PRRC2A: variants seen among roughly 807,000 people sequenced by gnomAD.
PRRC2A encodes protein PRRC2A.
Under a neutral mutation model 224.6 loss-of-function variants are expected in PRRC2A, and 59 were observed. That is an observed-to-expected ratio of 0.26 (90% CI 0.21 to 0.33). The LOEUF is 0.33. Ranked by LOEUF, PRRC2A falls within the 10% of genes least tolerant of loss-of-function variation. PRRC2A has a pLI of 1.00. For missense variants in PRRC2A, 3,095 were observed against 2,880.7 expected (o/e 1.07, Z -1.70); for synonymous variants, 1,194 against 1,109.5 (o/e 1.08, Z -1.51).
Position 31,622,736 on chromosome 6 carries a change from C to T in PRRC2A, c.-54C>T. 7.3e-7 allele frequency: 1 copy of T among 1,372,632 alleles called. No individual in the cohort carries two copies. Among genetic ancestry groups the T allele is most frequent in the South Asian group, 1.2e-5 (1 of 85,648 alleles). The allele number at this position is 1,372,632 out of a possible 1,614,324, so 85.0% of individuals were successfully genotyped here. On this transcript the variant is annotated 5_prime_UTR_variant, in exon 2 of 31. In the 5' UTR this introduces an upstream ATG that the reference lacks. Transcript: ENST00000376033. ...GCTGTCTGGCCCACAGGCTCTGGCA[C>T]GTTTTGGGGGAGGTGCCTGCAGGAC...
In PRRC2A at chr6:31,629,027, T is replaced by A. The variant is rs987079985; in HGVS notation, c.1766-117T>A. ...ATGGGAGGGGCTTCAATAGAATAGA[T>A]GTTGAATAGAATATTTTAGTCTTAA... On this transcript the variant is annotated intron_variant, in intron 12 of 30. Transcript: ENST00000376033. 2.9e-6 allele frequency: 3 copies of A among 1,037,036 alleles called. No homozygotes were observed. In the African/African-American group the frequency reaches 4.8e-5, roughly 16 times the overall value. The allele number at this position is 1,037,036 out of a possible 1,614,324, so 64.2% of individuals were successfully genotyped here. A position where few individuals can be genotyped will look rare whatever the true frequency, so the allele number is the denominator to read the frequency against.
Position 31,630,773 on chromosome 6 carries a change from G to A in PRRC2A, c.2437G>A (p.Ala813Thr), listed in dbSNP as rs1465754118. 2.5e-6 allele frequency: 4 copies of A among 1,614,056 alleles called. No homozygotes were observed. The highest frequency in any genetic ancestry group is 3.4e-6 in the Non-Finnish European group (4 of 1,180,038). ...CCCACTTACCTCACCTCTGCGCCAGGCTGCGGATGAGGATGACAAGGGGAT... is the reference window on the plus strand; with the variant it reads ...CCCACTTACCTCACCTCTGCGCCAGACTGCGGATGAGGATGACAAGGGGAT... ...PRPLTSPLRQ[A>T]ADEDDKGMRS... The change falls in exon 15 of 31, where the codon GCT becomes ACT. Residue 813 changes from alanine to threonine, a missense_variant. Physicochemically the swap from Ala to Thr is moderately conservative, Grantham distance 58 (BLOSUM62 0). Coordinates refer to ENST00000376033, the MANE Select transcript of PRRC2A (RefSeq NM_004638.4).
chr6:31,630,836 A>G (rs781611650), intron 15 of PRRC2A, 35 bp downstream of exon 15: 4 of 1,606,948 alleles, frequency 2.5e-6, no homozygotes, highest in Non-Finnish European at 3.4e-6. Flanking sequence ...GTGAGTTCAC[A>G]GTGAAAGGAT....
intron 15 of PRRC2A, 62 bp downstream of exon 15, chr6:31,630,863 G>A: frequency 6.4e-7 from 1 of 1,565,740 alleles, no homozygotes; most frequent in Non-Finnish European, 8.7e-7. Context: ...CTGGGAGAAA[G>A]GTACTTTGGG....
In PRRC2A at chr6:31,625,796, A is replaced by T; in HGVS notation, c.764A>T (p.Tyr255Phe). The T allele has an allele frequency of 6.4e-7, 1 of 1,574,448 alleles. No individual in the cohort carries two copies. Among genetic ancestry groups the T allele is most frequent in the Non-Finnish European group, 8.7e-7 (1 of 1,144,546 alleles). Reference protein sequence around the residue: ...PYRGMMPPFMYPPYLPFPPPY... With the variant: ...PYRGMMPPFMFPPYLPFPPPY... ...TACTGTTGGACCCTTTTACAGATGT[A>T]TCCCCCATATCTCCCGTTCCCTCCG... Residue 255 changes from tyrosine (Y) to phenylalanine (F), a missense_variant, in exon 8 of 31, where the codon TAT (tyrosine) becomes TTT (phenylalanine). Tyr to Phe is a conservative substitution (Grantham distance 22). Transcript: ENST00000376033. This position sits in a 1 kb window ranked among gnomAD's most constrained non-coding sequence, Gnocchi z 4.1.
At position 31,632,572 on chromosome 6, in the gene PRRC2A, G is replaced by A. The variant is rs551639342; in HGVS notation, c.3899G>A (p.Arg1300His). The A allele has an allele frequency of 1.1e-5, 17 of 1,612,596 alleles. No individual in the cohort carries two copies. The highest frequency in any genetic ancestry group is 6.7e-5 in the African/African-American group (5 of 75,016). ...ACAGTCACAGTGGCCCCAGCACCTC[G>A]CCGGGCAGCTGCCAAGTCTCCTGAT... is the stretch of plus-strand genomic sequence containing the variant. ...LTTVTVAPAP[R>H]RAAAKSPDLS... The change falls in exon 16 of 31, where the codon CGC becomes CAC. Residue 1300 changes from arginine to histidine, a missense_variant. By Grantham distance (29) the Arg-to-His change is conservative (BLOSUM62 0). Coordinates refer to ENST00000376033, the MANE Select transcript of PRRC2A (RefSeq NM_004638.4).
rs780664319 is a variant in PRRC2A, at chr6:31,631,743, C to G, written c.3070C>G (p.Arg1024Gly). Reference protein sequence around the residue: ...SYERVGPTSCRGRGRGEYFAR... With the variant: ...SYERVGPTSCGGRGRGEYFAR... ...TGAAAGAGTGGGTCCTACCTCTTGCCGGGGTCGGGGCCGAGGCGAGTATTT... is the reference window on the plus strand; with the variant it reads ...TGAAAGAGTGGGTCCTACCTCTTGCGGGGGTCGGGGCCGAGGCGAGTATTT... Residue 1024 changes from arginine to glycine, a missense_variant, in exon 16 of 31, where the codon CGG becomes GGG. Physicochemically the swap from Arg to Gly is moderately radical, Grantham distance 125. Coordinates refer to ENST00000376033, the MANE Select transcript of PRRC2A (RefSeq NM_004638.4). The surrounding 1 kb of genome is among the most constrained non-coding windows in gnomAD (Gnocchi z 4.5). 1.3e-6 allele frequency: 2 copies of G among 1,531,492 alleles called. No individual in the cohort carries two copies. The highest frequency in any genetic ancestry group is 1.8e-6 in the Non-Finnish European group (2 of 1,138,786). 94.9% of individuals were successfully genotyped at this position (1,531,492 alleles called of 1,614,324 possible). A position where few individuals can be genotyped will look rare whatever the true frequency, so the allele number is the denominator to read the frequency against.
chr6:31,628,896 A>C, intron 12 of PRRC2A: 1 of 487,672 alleles, frequency 2.1e-6, no homozygotes. Context: ...ACTATTTCCT[A>C]TAGGCCAAGA....
chr6:31,630,488 CAA>C, intron 14 of PRRC2A, 101 bp from the exon 15 acceptor site: 9 of 1,175,826 alleles, frequency 7.7e-6, no homozygotes, highest in African/African-American at 1.5e-5. Context: ...CTACTGGGAA[CAA>C]GAGATGGAAG....
chr6:31,632,871 G>C lies in PRRC2A; in HGVS notation c.4198G>C (p.Gly1400Arg). ...PGMERQNRRP[G>R]PGGKAGSSGS... ...CATGGAACGGCAGAATCGGCGCCCT[G>C]GCCCAGGGGGCAAGGCTGGCAGCAG... The change falls in exon 16 of 31, where the codon GGC (glycine) becomes CGC (arginine). Residue 1400 changes from glycine (G) to arginine (R), a missense_variant. Physicochemically the swap from Gly to Arg is moderately radical, Grantham distance 125. Transcript: ENST00000376033. 1 of 1,613,052 alleles carries C rather than the reference G, an allele frequency of 6.2e-7. No individual in the cohort carries two copies. The highest frequency in any genetic ancestry group is 8.5e-7 in the Non-Finnish European group (1 of 1,179,990).
rs766167972 is a variant in PRRC2A at position 31,636,553 on chromosome 6, C to T, written c.5879C>T (p.Pro1960Leu). The part of the protein sequence containing the change: ...LPSPSDFYST[P>L]LQPGGQSGFL... ...TCCCCTTCGGATTTTTATTCTACTCCTCTGCAGCCTGGTGGCCAAAGTGGC... is the reference window on the plus strand; with the variant it reads ...TCCCCTTCGGATTTTTATTCTACTCTTCTGCAGCCTGGTGGCCAAAGTGGC... Residue 1960 changes from proline to leucine, a missense_variant, in exon 27 of 31, where the codon CCT becomes CTT. By Grantham distance (98) the Pro-to-Leu change is moderately conservative (BLOSUM62 -3). Coordinates refer to ENST00000376033, the MANE Select transcript of PRRC2A (RefSeq NM_004638.4). This position sits in a 1 kb window ranked among gnomAD's most constrained non-coding sequence, Gnocchi z 4.3. 3.7e-6 allele frequency: 6 copies of T among 1,609,028 alleles called. No individual in the cohort carries two copies. The highest frequency in any genetic ancestry group is 2.7e-5 in the African/African-American group (2 of 74,744).
rs116832279 is a variant in PRRC2A, at chr6:31,631,439, A to G, written c.2766A>G (p.Thr922=). 9.9e-6 allele frequency: 16 copies of G among 1,610,146 alleles called. No individual in the cohort carries two copies. The highest frequency in any genetic ancestry group is 8.8e-5 in the South Asian group (8 of 90,798). The part of the protein sequence containing the change: ...GPPPPRRESR[T]ETRWGPRPGS... ...CACCACCACGCAGAGAGAGTCGCAC[A>G]GAGACCCGCTGGGGCCCTCGTCCAG... Residue 922 remains threonine (T), a synonymous_variant, in exon 16 of 31, where the codon ACA becomes ACG. Coordinates refer to ENST00000376033, the MANE Select transcript of PRRC2A (RefSeq NM_004638.4). The surrounding 1 kb of genome is among the most constrained non-coding windows in gnomAD (Gnocchi z 4.5).
chr6:31,632,787 G>A lies in PRRC2A; in HGVS notation c.4114G>A (p.Asp1372Asn), dbSNP rs568745012. 9 of 1,613,158 alleles carry A rather than the reference G, an allele frequency of 5.6e-6. No individual in the cohort carries two copies. The Admixed American group carries it at 1.5e-4, about 27-fold the overall frequency. Reference protein sequence around the residue: ...VPGISAMSRGDLSQRAKDLSK... With the variant: ...VPGISAMSRGNLSQRAKDLSK... The stretch of plus-strand genomic sequence containing the variant: ...AGGTATTTCAGCCATGTCCCGCGGA[G>A]ATCTGAGCCAGAGAGCCAAGGATTT... Residue 1372 changes from aspartate to asparagine, a missense_variant, in exon 16 of 31, where the codon GAT becomes AAT. Physicochemically the swap from Asp to Asn is conservative, Grantham distance 23. Coordinates refer to ENST00000376033, the MANE Select transcript of PRRC2A (RefSeq NM_004638.4).
chr6:31,634,186 C>T (rs1363892616), intron 18 of PRRC2A, 50 bp from the exon 19 acceptor site: 3 of 1,573,000 alleles, frequency 1.9e-6, no homozygotes, highest in Non-Finnish European at 1.7e-6. Flanking sequence ...TCCTATAATT[C>T]CCAATTCCCA....
chr6:31,637,450 C>G lies in PRRC2A; in HGVS notation c.6338C>G (p.Ser2113Cys), dbSNP rs760550028. Reference sequence around the variant, plus strand: ...TAACACATGCCTGTCCCCTAGGCCTCCCCACCAGATGCCCTGCGCTGGATA... The same window carrying G: ...TAACACATGCCTGTCCCCTAGGCCTGCCCACCAGATGCCCTGCGCTGGATA... The part of the protein sequence containing the change: ...TQRVDLYQQA[S>C]PPDALRWIPK... The change falls in exon 31 of 31, where the codon TCC (serine) becomes TGC (cysteine). Residue 2113 changes from serine to cysteine, a missense_variant. Physicochemically the swap from Ser to Cys is moderately radical, Grantham distance 112. Coordinates refer to ENST00000376033, the MANE Select transcript of PRRC2A (RefSeq NM_004638.4). 13 of 1,579,682 alleles carry G rather than the reference C, an allele frequency of 8.2e-6. No individual in the cohort carries two copies. The highest frequency in any genetic ancestry group is 1.1e-5 in the Non-Finnish European group (13 of 1,160,396).
rs776646790 is a variant in PRRC2A, at chr6:31,634,296, C to T, written c.4780C>T (p.Pro1594Ser). The T allele has an allele frequency of 8.7e-6, 14 of 1,611,956 alleles. No individual in the cohort carries two copies. Among genetic ancestry groups the T allele is most frequent in the Admixed American group, 1.7e-5 (1 of 59,624 alleles). ...GGGCTCTAAGCCTGAGGGCCCAGGC[C>T]CTCAGGCAGAGTCCAGAGATACAGG... is the stretch of plus-strand genomic sequence containing the variant. ...FLGSKPEGPG[P>S]QAESRDTGTE... The change falls in exon 19 of 31, where the codon CCT becomes TCT. Residue 1594 changes from proline (P) to serine (S), a missense_variant. By Grantham distance (74) the Pro-to-Ser change is moderately conservative. Around this residue, in one of 8 missense-constraint regions of PRRC2A, gnomAD observed 2,001 missense variants for 1,764.9 expected, o/e 1.13. Transcript: ENST00000376033.
In PRRC2A at chr6:31,632,115, C is replaced by G; in HGVS notation, c.3442C>G (p.Pro1148Ala). 1.9e-6 allele frequency: 3 copies of G among 1,549,762 alleles called. No homozygotes were observed. Among genetic ancestry groups the G allele is most frequent in the Non-Finnish European group, 2.6e-6 (3 of 1,148,020 alleles). The change falls in exon 16 of 31, where the codon CCA (proline) becomes GCA (alanine). Residue 1148 changes from proline to alanine, a missense_variant. Around this residue, in one of 8 missense-constraint regions of PRRC2A, gnomAD observed 2,001 missense variants for 1,764.9 expected, o/e 1.13. Transcript: ENST00000376033. ...CCCACCACCAGGAGCCCCACCTTCA[C>G]CAGCCCCAGCCCGCTTCACTGCCCG... is the stretch of plus-strand genomic sequence containing the variant. Reference protein sequence around the residue: ...APPPPGAPPSPAPARFTARGG... With the variant: ...APPPPGAPPSAAPARFTARGG...
rs755896916 is a variant in PRRC2A, at chr6:31,636,377, G to A, written c.5793G>A (p.Pro1931=). Residue 1931 remains proline (P), a synonymous_variant, in exon 26 of 31, where the codon CCG becomes CCA. Coordinates refer to ENST00000376033, the MANE Select transcript of PRRC2A (RefSeq NM_004638.4). The surrounding 1 kb of genome is among the most constrained non-coding windows in gnomAD (Gnocchi z 4.3). ...LYPPPSFLYS[P]AFCPSPLPDT... is the part of the protein sequence containing the mutation. ...CTCCACCTTCCTTCCTCTACTCTCC[G>A]GCTTTCTGCCCCAGTCCTTTGCCTG... 2.2e-5 allele frequency: 35 copies of A among 1,612,772 alleles called. No homozygotes were observed. The highest frequency in any genetic ancestry group is 1.3e-4 in the East Asian group (6 of 44,900).
Position 31,631,283 on chromosome 6 carries a change from T to C in PRRC2A, c.2610T>C (p.Ser870=), listed in dbSNP as rs762429188. The C allele has an allele frequency of 2.5e-6, 4 of 1,611,932 alleles. No homozygotes were observed. Among genetic ancestry groups the C allele is most frequent in the Non-Finnish European group, 3.4e-6 (4 of 1,179,622 alleles). Reference sequence around the variant, plus strand: ...GTCCACTCCCCTGGCCCCCAGGCAGTGATGAAGTGGCCAAGATACAAACTC... The same window carrying C: ...GTCCACTCCCCTGGCCCCCAGGCAGCGATGAAGTGGCCAAGATACAAACTC... The part of the protein sequence containing the change: ...GPRPLPWPPG[S]DEVAKIQTPP... Residue 870 remains serine, a synonymous_variant, in exon 16 of 31, where the codon AGT becomes AGC. Transcript: ENST00000376033. This position sits in a 1 kb window ranked among gnomAD's most constrained non-coding sequence, Gnocchi z 4.5.
Sources: allele counts gnomAD v4.1 joint callset, GRCh38; gene constraint gnomAD v4.1.1; regional missense constraint gnomAD v4.1.1; non-coding constraint Gnocchi (gnomAD v3.1); transcripts MANE v1.5; gene names NCBI Gene and HGNC (gene_info 2026-07-23, HGNC 2026-07-21).